Variants in BID observed in about 807,000 individuals in gnomAD.
BID encodes the protein BH3 interacting domain death agonist.
Under a neutral mutation model 17.4 loss-of-function variants are expected in BID, and 19 were observed. The ratio of observed to expected loss-of-function variants is 1.09; its 90% CI spans 0.76 to 1.60. The LOEUF is 1.60. Ranked by LOEUF, BID falls within the 40% of genes most tolerant of loss-of-function variation. The pLI is 0.00. For synonymous variants in BID, 108 were observed against 102.8 expected (o/e 1.05, Z -0.31); for missense variants, 226 against 256.0 (o/e 0.88, Z 0.80).
chr22:17,756,504 CTT>C (rs1271667089), intron 1 of BID, among the ~76,000 whole-genome samples: 1 of 135,654 alleles, frequency 7.4e-6, no homozygotes, highest in African/African-American at 2.7e-5. Context: ...TTCTCTCTCT[CTT>C]TCTGTCTGTC....
At chr22:17,737,869 G>T in intron 5 of BID, 148 bp downstream of exon 5, 2 of 802,700 alleles carry the variant, frequency 2.5e-6, no homozygotes, top group Non-Finnish European at 4.1e-6. Flanking sequence ...CAGCTTTCTA[G>T]CTCACAACAG....
intron 3 of BID, among the ~76,000 whole-genome samples, chr22:17,742,745 G>A (rs755378784): frequency 6.6e-6 from 1 of 152,196 alleles, no homozygotes; most frequent in Non-Finnish European, 1.5e-5. Flanking sequence ...GCTGGAGTAG[G>A]GCCCAAGGCC....
At position 17,769,826 on chromosome 22, in the gene BID, C is replaced by T. The variant is rs2061706406; in HGVS notation, c.-59+4555G>A. Reference sequence around the variant, plus strand: ...CACCTTCCTGTCTCTAGGCAGATGCCAGCTGGTGCAGGAGCCACTCCCAGT... The same window carrying T: ...CACCTTCCTGTCTCTAGGCAGATGCTAGCTGGTGCAGGAGCCACTCCCAGT... On this transcript the variant is annotated intron_variant, in intron 1 of 5. Transcript: ENST00000622694. This position sits in a 1 kb window ranked among gnomAD's most constrained non-coding sequence, Gnocchi z 4.8. 6.6e-6 allele frequency among the ~76,000 whole-genome samples: 1 copy of T among 152,134 alleles called. No homozygotes were observed. Among genetic ancestry groups the T allele is most frequent in the South Asian group, 2.1e-4 (1 of 4,834 alleles).
At chr22:17,736,623 CTG>C (rs972093620) in intron 5 of BID, among the ~76,000 whole-genome samples, 4 of 152,150 alleles carry the variant, frequency 2.6e-5, no homozygotes, top group African/African-American at 9.7e-5. Flanking sequence ...ATTGTGAACA[CTG>C]TATGTTTGTT....
chr22:17,740,423 T>A, intron 3 of BID: 2 of 440,462 alleles, frequency 4.5e-6, no homozygotes, highest in Non-Finnish European at 8.1e-6. Flanking sequence ...GCCCTGCCTC[T>A]ACAAGAAACT....
intron 1 of BID, among the ~76,000 whole-genome samples, chr22:17,760,199 ACT>A (rs1391202416): frequency 6.7e-6 from 1 of 150,372 alleles, no homozygotes; most frequent in Non-Finnish European, 1.5e-5. Flanking sequence ...TACTCCCAGC[ACT>A]TTGGGAGGCT....
chr22:17,766,431 A>C (rs1254040156), intron 1 of BID, among the ~76,000 whole-genome samples: 1 of 149,430 alleles, frequency 6.7e-6, no homozygotes, highest in Non-Finnish European at 1.5e-5. Context: ...ACAGGCATGC[A>C]CCACTATGCC....
Position 17,739,456 on chromosome 22 carries a change from T to A in BID, c.256A>T (p.Ile86Phe). ...SESQEDIIRN[I>F]ARHLAQVGDS... is the part of the protein sequence containing the mutation. ...CCGACCTGGGCGAGGTGCCTGGCAA[T>A]ATTCCGGATGATGTCTTCTTGACTT... Residue 86 changes from isoleucine to phenylalanine, a missense_variant, in exon 4 of 6, where the codon ATT becomes TTT. Transcript: ENST00000622694. 2 of 1,612,526 alleles carry A rather than the reference T, an allele frequency of 1.2e-6. No individual in the cohort carries two copies. The highest frequency in any genetic ancestry group is 1.7e-6 in the Non-Finnish European group (2 of 1,179,798).
At chr22:17,771,866 C>T (rs2098472) in intron 1 of BID, among the ~76,000 whole-genome samples, 20,290 of 152,098 alleles carry the variant, frequency 0.13, 1,942 homozygotes, top group East Asian at 0.44. Context: ...TTCCCACACA[C>T]GTCACTCGCT....
At chr22:17,739,257 C>G (rs1029716108) in intron 4 of BID, 92 bp downstream of exon 4, 1 of 1,426,656 alleles carries the variant, frequency 7.0e-7, no homozygotes, top group Non-Finnish European at 9.3e-7. Context: ...AGTTGAGTGG[C>G]CTCACGGGAC....
intron 3 of BID, chr22:17,739,808 T>C (rs962803980): frequency 6.9e-6 from 4 of 581,478 alleles, no homozygotes; most frequent in African/African-American, 3.7e-5. Flanking sequence ...AGCGGCTTCA[T>C]GGCTCACACC....
At position 17,757,504 on chromosome 22, in the gene BID, C is replaced by G. The variant is rs566488795; in HGVS notation, c.-58-7330G>C. On this transcript the variant is annotated intron_variant, in intron 1 of 5. Coordinates refer to ENST00000622694, the MANE Select transcript of BID (RefSeq NM_001196.4). Reference sequence around the variant, plus strand: ...CGGGCGGATCACAAGGTCAGGAGATCCAGACCATCCTGGCTAACACGGTGA... The same window carrying G: ...CGGGCGGATCACAAGGTCAGGAGATGCAGACCATCCTGGCTAACACGGTGA... Among the ~76,000 whole-genome samples, 190 of 149,388 alleles carry G rather than the reference C, an allele frequency of 1.3e-3. 3 individuals carry two copies. The Middle Eastern group carries it at 0.018, about 14-fold the overall frequency.
Position 17,756,451 on chromosome 22 carries a change from C to CT in BID, c.-58-6278dup, listed in dbSNP as rs1214818369. 2.9e-3 allele frequency among the ~76,000 whole-genome samples: 352 copies of CT among 123,290 alleles called. 1 individual carries two copies. Among genetic ancestry groups the CT allele is most frequent in the African/African-American group, 0.013 (336 of 26,514 alleles). The allele number at this position is 123,290 out of a possible 152,430, so 80.9% of individuals were successfully genotyped here. A position where few individuals can be genotyped will look rare whatever the true frequency, so the allele number is the denominator to read the frequency against. ...TTCTTTCTTCTTTCTTTCTTTCTTT[C>CT]TTTCTTTCTTTCTTTCTTTCTTTCT... On this transcript the variant is annotated intron_variant, in intron 1 of 5. Transcript: ENST00000622694.
chr22:17,768,645 G>A (rs1056332983), intron 1 of BID, among the ~76,000 whole-genome samples: 2 of 152,126 alleles, frequency 1.3e-5, no homozygotes, highest in Admixed American at 6.5e-5. Context: ...AGGCCGAGGC[G>A]GGTGGATCAC....
chr22:17,739,718 C>A, intron 3 of BID: 1 of 605,522 alleles, frequency 1.7e-6, no homozygotes, highest in South Asian at 2.1e-5. Flanking sequence ...GCCCAGGCTC[C>A]CGCACACAGG....
At chr22:17,756,229 A>G (rs2061581708) in intron 1 of BID, among the ~76,000 whole-genome samples, 1 of 152,194 alleles carries the variant, frequency 6.6e-6, no homozygotes, top group South Asian at 2.1e-4. Flanking sequence ...AACAGGGGAA[A>G]CAGCGATGTT....
At chr22:17,749,971 C>T (rs1458143499) in intron 2 of BID, 134 bp downstream of exon 2, 6 of 829,852 alleles carry the variant, frequency 7.2e-6, no homozygotes, top group African/African-American at 3.4e-5. Context: ...GGGCGGGGTT[C>T]GTCTGTGCCG....
At chr22:17,747,480 C>T (rs2061502091) in intron 2 of BID, among the ~76,000 whole-genome samples, 1 of 152,034 alleles carries the variant, frequency 6.6e-6, no homozygotes. Flanking sequence ...GCCACCACGC[C>T]TGGCTAATTT....
At chr22:17,748,523 TA>T (rs1305382176) in intron 2 of BID, among the ~76,000 whole-genome samples, 1 of 150,532 alleles carries the variant, frequency 6.6e-6, no homozygotes, top group Admixed American at 6.6e-5. Flanking sequence ...AAAATAAAAA[TA>T]AAAAATAGAA....
Sources: gnomAD v4.1 joint callset for allele counts (sites outside exome capture counted in the v4.1 genomes callset) on GRCh38, gnomAD v4.1.1 for gene constraint, Gnocchi (gnomAD v3.1) non-coding constraint, MANE v1.5 for transcripts, NCBI Gene and HGNC (gene_info 2026-07-23, HGNC 2026-07-21) for gene names.